Variants in FAM86B1 observed in about 807,000 individuals in gnomAD.
FAM86B1 encodes the protein family with sequence similarity 86 member B1 (gene/pseudogene), also known as putative protein N-methyltransferase FAM86B1.
For synonymous variants in FAM86B1, 4 were observed against 137.6 expected (o/e 0.03, Z 6.79); for missense variants, 13 against 328.1 (o/e 0.04, Z 7.42).
At chr8:12,194,763 G>C (rs1171156289), upstream of FAM86B1, 2 of 150,712 alleles carry the variant, frequency 1.3e-5, no homozygotes, top group African/African-American at 2.8e-5. Flanking sequence ...TGGGAGGCCG[G>C]TTGGGGCTGG....
At chr8:12,192,959 A>G (rs1351661851) in intron 1 of FAM86B1, among the ~76,000 whole-genome samples, 3 of 145,258 alleles carry the variant, frequency 2.1e-5, no homozygotes, top group African/African-American at 8.3e-5. Context: ...AAGGTCACAC[A>G]GGGCCAGGGG....
At chr8:12,183,884 C>A (rs62494583) in intron 6 of FAM86B1, among the ~76,000 whole-genome samples, 178 bp from the exon 7 acceptor site, 11,855 of 12,036 alleles carry the variant, frequency 0.98, 5,837 homozygotes, top group Middle Eastern at 1. Context: ...GGGACCAGAA[C>A]TCTGGTTTTG....
chr8:12,182,480 C>T lies in FAM86B1; in HGVS notation c.*1126G>A, dbSNP rs1805068090. 1.5e-6 allele frequency: 2 copies of T among 1,326,312 alleles called. No individual in the cohort carries two copies. Among genetic ancestry groups the T allele is most frequent in the Admixed American group, 4.0e-5 (2 of 49,572 alleles). 82.2% of individuals were successfully genotyped at this position (1,326,312 alleles called of 1,614,324 possible). ...CAAGTCCAAGTGAGGGAGTTAGGGA[C>T]TTGGGAGGGGTTGTTGTTGGGTCGG... On this transcript the variant is annotated 3_prime_UTR_variant, in exon 7 of 7. Transcript: ENST00000448228.
At chr8:12,185,790 TG>T in intron 5 of FAM86B1, 1 of 335,896 alleles carries the variant, frequency 3.0e-6, no homozygotes, top group Non-Finnish European at 5.0e-6. Flanking sequence ...GTTCTCGGCC[TG>T]TCTAGAGGGC....
At chr8:12,194,510 G>A (rs1807509164), upstream of FAM86B1, 1 of 234,364 alleles carries the variant, frequency 4.3e-6, no homozygotes, top group African/African-American at 3.1e-5. Flanking sequence ...AGGTCTTAGG[G>A]CGGGGCTAAG....
chr8:12,192,550 T>A (rs1807075533), intron 1 of FAM86B1, among the ~76,000 whole-genome samples: 1 of 131,254 alleles, frequency 7.6e-6, no homozygotes, highest in Admixed American at 7.4e-5. Flanking sequence ...CCAGTTCAAA[T>A]GCCACCTCTT....
chr8:12,189,257 T>A lies in FAM86B1; in HGVS notation c.240+551A>T, dbSNP rs183747566. 3.3e-3 allele frequency among the ~76,000 whole-genome samples: 275 copies of A among 82,346 alleles called. 1 individual carries two copies. Among genetic ancestry groups the A allele is most frequent in the Admixed American group, 0.021 (145 of 6,924 alleles). The allele number at this position is 82,346 out of a possible 152,430, so 54.0% of individuals were successfully genotyped here. On this transcript the variant is annotated intron_variant, in intron 3 of 6. Coordinates refer to ENST00000448228, the MANE Select transcript of FAM86B1 (RefSeq NM_001083537.4). ...GTGAGACTCTGTCTCAAAAAAAATATATAAATAAATAAATAAATAAATAAA... is the reference window on the plus strand; with the variant it reads ...GTGAGACTCTGTCTCAAAAAAAATAAATAAATAAATAAATAAATAAATAAA...
intron 1 of FAM86B1, among the ~76,000 whole-genome samples, chr8:12,193,350 G>A (rs1477324759): frequency 6.7e-4 from 96 of 143,796 alleles, no homozygotes; most frequent in Non-Finnish European, 1.2e-3. Context: ...TGAGCTCAAT[G>A]CACATGAATT....
chr8:12,192,757 G>A (rs1253512987), intron 1 of FAM86B1, among the ~76,000 whole-genome samples: 4 of 147,916 alleles, frequency 2.7e-5, no homozygotes, highest in South Asian at 2.1e-4. Flanking sequence ...CTGGCTCACG[G>A]AAGGCATTTA....
intron 1 of FAM86B1, among the ~76,000 whole-genome samples, chr8:12,193,319 T>C (rs569747966): frequency 0.026 from 3,737 of 144,332 alleles, 288 homozygotes; most frequent in African/African-American, 0.1. Flanking sequence ...GAGGAATATA[T>C]ATCCCAACTG....
chr8:12,182,337 G>T lies in FAM86B1; in HGVS notation c.*1269C>A. The T allele has an allele frequency of 8.7e-6, 4 of 457,190 alleles. No individual in the cohort carries two copies. The South Asian group carries it at 9.1e-5, about 10-fold the overall frequency. 28.3% of individuals were successfully genotyped at this position (457,190 alleles called of 1,614,324 possible). ...GCCGGAAGGTGCTCCAGGGCACCAA[G>T]TGTGGGAAAGTGGGACATACGGGGA... is the stretch of plus-strand genomic sequence containing the variant. On this transcript the variant is annotated 3_prime_UTR_variant, in exon 7 of 7. Transcript: ENST00000448228.
chr8:12,194,673 C>A, upstream of FAM86B1: 1 of 162,210 alleles, frequency 6.2e-6, no homozygotes. Context: ...GGGGCCGAGT[C>A]CGGGCTGGGC....
intron 1 of FAM86B1, among the ~76,000 whole-genome samples, chr8:12,192,768 T>A (rs1313118570): frequency 2.0e-5 from 3 of 148,782 alleles, no homozygotes; most frequent in Admixed American, 1.3e-4. Context: ...AAGGCATTTA[T>A]TAAACATTTT....
intron 1 of FAM86B1, among the ~76,000 whole-genome samples, chr8:12,192,927 A>C (rs1420965514): frequency 4.7e-5 from 7 of 147,906 alleles, no homozygotes; most frequent in African/African-American, 1.8e-4. Context: ...ACAATAGCAC[A>C]GAGAGATACA....
intron 2 of FAM86B1, among the ~76,000 whole-genome samples, chr8:12,190,750 A>G (rs1178728989): frequency 2.0e-5 from 2 of 102,016 alleles, no homozygotes; most frequent in African/African-American, 4.6e-5. Flanking sequence ...ACACCCAGCT[A>G]ATTTTTTTTT....
At chr8:12,194,174 G>A (rs71231741), upstream of FAM86B1, 163,585 of 1,350,174 alleles carry the variant, frequency 0.12, 7,799 homozygotes, top group Middle Eastern at 0.13. Flanking sequence ...GAGAGGGGGC[G>A]GGGCCTGGGG....
At chr8:12,189,246 CAA>C (rs1282299593) in intron 3 of FAM86B1, among the ~76,000 whole-genome samples, 1,533 of 138,552 alleles carry the variant, frequency 0.011, no homozygotes, top group South Asian at 0.015. Context: ...GACTCTGTCT[CAA>C]AAAAAATATA....
intron 2 of FAM86B1, among the ~76,000 whole-genome samples, chr8:12,190,913 C>G (rs1806737870): frequency 9.6e-6 from 1 of 104,424 alleles, no homozygotes; most frequent in Non-Finnish European, 1.8e-5. Flanking sequence ...AGCAGCTCTC[C>G]CTACATCTCA....
chr8:12,182,349 G>A lies in FAM86B1; in HGVS notation c.*1257C>T. On this transcript the variant is annotated 3_prime_UTR_variant, in exon 7 of 7. Coordinates refer to ENST00000448228, the MANE Select transcript of FAM86B1 (RefSeq NM_001083537.4). Reference sequence around the variant, plus strand: ...TCCAGGGCACCAAGTGTGGGAAAGTGGGACATACGGGGAAGTTTCCAGAAA... The same window carrying A: ...TCCAGGGCACCAAGTGTGGGAAAGTAGGACATACGGGGAAGTTTCCAGAAA... 2 of 489,494 alleles carry A rather than the reference G, an allele frequency of 4.1e-6. No homozygotes were observed. Among genetic ancestry groups the A allele is most frequent in the South Asian group, 2.2e-5 (1 of 45,110 alleles). The allele number at this position is 489,494 out of a possible 1,614,324, so 30.3% of individuals were successfully genotyped here.
Sources: allele counts gnomAD v4.1 joint callset (sites outside exome capture counted in the v4.1 genomes callset), GRCh38; gene constraint gnomAD v4.1.1; transcripts MANE v1.5; gene names NCBI Gene and HGNC (gene_info 2026-07-23, HGNC 2026-07-21).